Variants in MACROD2 observed in about 807,000 individuals in gnomAD.
The protein encoded by MACROD2 is ADP-ribose glycohydrolase MACROD2.
MACROD2 carries 36 observed loss-of-function variants against 70.4 expected under a neutral mutation model. The observed-to-expected ratio is 0.51, with a 90% CI of 0.39 to 0.68. The LOEUF (loss-of-function observed/expected upper bound fraction) is 0.68. Among genes scored for constraint, MACROD2 ranks in the 30% least tolerant of loss-of-function variants. MACROD2 has a pLI of 0.00. For missense variants in MACROD2, 496 were observed against 538.4 expected (o/e 0.92, Z 0.78); for synonymous variants, 172 against 178.8 (o/e 0.96, Z 0.30).
chr20:14,908,053 T>C (rs899351944), intron 5 of MACROD2, among the ~76,000 whole-genome samples: 1 of 152,182 alleles, frequency 6.6e-6, no homozygotes, highest in Admixed American at 6.5e-5. Context: ...TATTCAAAAG[T>C]GTATTGTCAG....
chr20:14,110,782 T>G (rs929696320), intron 3 of MACROD2, among the ~76,000 whole-genome samples: 2 of 151,964 alleles, frequency 1.3e-5, no homozygotes, highest in Non-Finnish European at 2.9e-5. Context: ...TCAATAATGT[T>G]AAAATATTCA....
intron 3 of MACROD2, among the ~76,000 whole-genome samples, chr20:14,447,058 G>A (rs753398988): frequency 1.9e-4 from 29 of 151,722 alleles, no homozygotes; most frequent in African/African-American, 2.4e-4. Context: ...TCGCTCTGTC[G>A]CCCAGGCTGG....
At chr20:15,306,552 G>C (rs2077699601) in intron 6 of MACROD2, among the ~76,000 whole-genome samples, 1 of 152,114 alleles carries the variant, frequency 6.6e-6, no homozygotes. Context: ...CAAGCTAGAA[G>C]CTATGCTCTT....
chr20:14,971,066 A>G (rs2074686440), intron 5 of MACROD2, among the ~76,000 whole-genome samples: 1 of 152,180 alleles, frequency 6.6e-6, no homozygotes, highest in Non-Finnish European at 1.5e-5. Flanking sequence ...ATGACGTAGT[A>G]TTTGCATATA....
rs370769136 is a variant in MACROD2, at chr20:15,933,353, C to G, written c.838+15C>G. ...CCAAGATGCAGGTAGGCTCAGATTT[C>G]TTTTGAGAAGTCACCTAGGCCTCAT... is the stretch of plus-strand genomic sequence containing the variant. On this transcript the variant is annotated intron_variant, in intron 11 of 17. Transcript: ENST00000684519. 5.8e-5 allele frequency: 94 copies of G among 1,612,014 alleles called. No individual in the cohort carries two copies. The highest frequency in any genetic ancestry group is 8.0e-5 in the Non-Finnish European group (94 of 1,178,888).
At position 14,325,997 on chromosome 20, in the gene MACROD2, G is replaced by A. The variant is rs765524589; in HGVS notation, c.272-167482G>A. 5 of 1,613,936 alleles carry A rather than the reference G, an allele frequency of 3.1e-6. No individual in the cohort carries two copies. In the East Asian group the frequency reaches 6.7e-5, roughly 22 times the overall value. On this transcript the variant is annotated intron_variant, in intron 3 of 17. Coordinates refer to ENST00000684519, the MANE Select transcript of MACROD2 (RefSeq NM_001351661.2). ...GTGGTTGTAGGGTTGTACATTCGAA[G>A]GGGTGCAGTTTCAGTCTCAATACAA...
chr20:15,010,763 G>T (rs2075076590), intron 5 of MACROD2, among the ~76,000 whole-genome samples: 1 of 152,128 alleles, frequency 6.6e-6, no homozygotes, highest in Non-Finnish European at 1.5e-5. Flanking sequence ...ACTTACTGTT[G>T]TTTGTTTTGT....
chr20:15,055,723 G>T (rs1420280797), intron 5 of MACROD2, among the ~76,000 whole-genome samples: 5 of 151,958 alleles, frequency 3.3e-5, no homozygotes, highest in Non-Finnish European at 7.4e-5. Context: ...TTAGGAGGAG[G>T]CTAAATGCAA....
At chr20:14,463,337 G>T (rs2084395565) in intron 3 of MACROD2, among the ~76,000 whole-genome samples, 1 of 151,434 alleles carries the variant, frequency 6.6e-6, no homozygotes, top group South Asian at 2.1e-4. Context: ...CTCTCTGTTT[G>T]TCTGTTATTG....
At chr20:14,099,028 C>G (rs1490034331) in intron 3 of MACROD2, among the ~76,000 whole-genome samples, 2 of 152,124 alleles carry the variant, frequency 1.3e-5, no homozygotes, top group African/African-American at 2.4e-5. Context: ...GCCTGTAATC[C>G]CAACACTTTG....
At chr20:14,613,838 C>T (rs1983314088) in intron 4 of MACROD2, among the ~76,000 whole-genome samples, 1 of 152,000 alleles carries the variant, frequency 6.6e-6, no homozygotes, top group South Asian at 2.1e-4. Context: ...AATTTTTAAA[C>T]ATATATCATT....
chr20:14,111,317 G>A (rs1031569228), intron 3 of MACROD2, among the ~76,000 whole-genome samples: 1 of 151,898 alleles, frequency 6.6e-6, no homozygotes, highest in African/African-American at 2.4e-5. Context: ...ATTTTCCTGA[G>A]TAATACTTCA....
At chr20:14,871,615 A>G (rs891296374) in intron 5 of MACROD2, among the ~76,000 whole-genome samples, 19 of 152,264 alleles carry the variant, frequency 1.2e-4, no homozygotes, top group African/African-American at 4.6e-4. Flanking sequence ...CACATAAACA[A>G]GTCTGAAAAA....
intron 3 of MACROD2, among the ~76,000 whole-genome samples, chr20:14,261,710 T>C (rs962482932): frequency 1.4e-5 from 2 of 143,900 alleles, no homozygotes; most frequent in African/African-American, 4.9e-5. Context: ...TTTAATTTAT[T>C]GAATGTCTTT....
intron 5 of MACROD2, among the ~76,000 whole-genome samples, chr20:14,815,699 G>A (rs1357616333): frequency 6.6e-6 from 1 of 151,954 alleles, no homozygotes; most frequent in Non-Finnish European, 1.5e-5. Context: ...ATCAATAAAT[G>A]TTATTATGTT....
intron 3 of MACROD2, among the ~76,000 whole-genome samples, chr20:14,260,095 A>G (rs910338295): frequency 3.3e-5 from 5 of 152,234 alleles, no homozygotes; most frequent in Non-Finnish European, 5.9e-5. Context: ...ATTTTAAAAG[A>G]GAAATGCAAA....
intron 5 of MACROD2, among the ~76,000 whole-genome samples, chr20:15,135,199 C>G (rs1384848404): frequency 1.3e-5 from 2 of 150,874 alleles, no homozygotes; most frequent in African/African-American, 4.9e-5. Context: ...AGGGAATCCT[C>G]CCTAACTCAT....
At chr20:15,835,765 A>T (rs1270826650) in intron 8 of MACROD2, among the ~76,000 whole-genome samples, 1 of 152,094 alleles carries the variant, frequency 6.6e-6, no homozygotes, top group Non-Finnish European at 1.5e-5. Flanking sequence ...ATGAGTTATG[A>T]CTCCAGGCTA....
At chr20:14,979,757 C>T (rs1333282069) in intron 5 of MACROD2, among the ~76,000 whole-genome samples, 3 of 152,210 alleles carry the variant, frequency 2.0e-5, no homozygotes, top group East Asian at 1.9e-4. Context: ...TTTGTTGTCA[C>T]GTTGGAAATG....
Sources: gnomAD v4.1 joint callset for allele counts (sites outside exome capture counted in the v4.1 genomes callset) on GRCh38, gnomAD v4.1.1 for gene constraint, MANE v1.5 for transcripts, NCBI Gene and HGNC (gene_info 2026-07-23, HGNC 2026-07-21) for gene names.